Variants in PPRC1 observed in about 807,000 individuals in gnomAD.
PPRC1 encodes PPARG related coactivator 1.
A neutral mutation model predicts 132.5 loss-of-function variants in PPRC1; 23 were observed. The observed-to-expected ratio is 0.17, with a 90% CI of 0.12 to 0.25. PPRC1 has a LOEUF of 0.25. Ranked by LOEUF, PPRC1 falls within the 10% of genes least tolerant of loss-of-function variation. The pLI is 1.00. For missense variants in PPRC1, 2,006 were observed against 2,089.1 expected, an observed-to-expected ratio of 0.96 and a Z score of 0.78; for synonymous variants, 872 against 833.5, an observed-to-expected ratio of 1.05 and a Z score of -0.80.
In PPRC1 at chr10:102,140,053, C is replaced by T. The variant is rs771296543; in HGVS notation, c.1545C>T (p.Leu515=). 1.9e-6 allele frequency: 3 copies of T among 1,614,192 alleles called. No individual in the cohort carries two copies. The highest frequency in any genetic ancestry group is 2.5e-6 in the Non-Finnish European group (3 of 1,180,034). ...QEELQKESGP[L]QGKGKPRAWA... ...AACTTCAAAAAGAGTCTGGGCCTCTCCAGGGTAAGGGGAAGCCCCGGGCTT... is the reference window on the plus strand; with the variant it reads ...AACTTCAAAAAGAGTCTGGGCCTCTTCAGGGTAAGGGGAAGCCCCGGGCTT... Residue 515 remains leucine (L), a synonymous_variant, in exon 5 of 14, where the codon CTC becomes CTT. Transcript: ENST00000278070.
rs746039933 is a variant in PPRC1, at chr10:102,150,046, G to T, written c.*17G>T. The T allele has an allele frequency of 6.3e-7, 1 of 1,583,312 alleles. No individual in the cohort carries two copies. The highest frequency in any genetic ancestry group is 8.7e-7 in the Non-Finnish European group (1 of 1,152,126). ...AGGAGGTAACCTTGGGCCCTTCCCT[G>T]CTATCCTTTTTCTCCTTTGGAGGTG... On this transcript the variant is annotated 3_prime_UTR_variant, in exon 14 of 14. Transcript: ENST00000278070.
At chr10:102,122,017 C>T in the PPRC1 span, among the ~76,000 whole-genome samples, 4 of 152,000 alleles carry the variant, frequency 2.6e-5, no homozygotes, top group African/African-American at 2.4e-5. Flanking sequence ...GAATGGAGAC[C>T]CTCCCCACCA....
At chr10:102,121,181 G>A in the PPRC1 span, among the ~76,000 whole-genome samples, 1 of 152,078 alleles carries the variant, frequency 6.6e-6, no homozygotes, top group African/African-American at 2.4e-5. Context: ...ATTGGATTAC[G>A]GAGGGGCGAT....
In PPRC1 at chr10:102,147,373, C is replaced by G. The variant is rs377047618; in HGVS notation, c.4381C>G (p.Pro1461Ala). 5.0e-6 allele frequency: 8 copies of G among 1,605,738 alleles called. No homozygotes were observed. The highest frequency in any genetic ancestry group is 1.7e-5 in the Admixed American group (1 of 59,972). The change falls in exon 9 of 14, where the codon CCA becomes GCA. Residue 1461 changes from proline (P) to alanine (A), a missense_variant. Transcript: ENST00000278070. ...SRSRSRSLSP[P>A]HKRWRRSSCS... The stretch of plus-strand genomic sequence containing the variant: ...ATCTCGGTCCAGGTCCCTCTCCCCC[C>G]CACACAAGAGGTGGCGAAGGTGAGC...
At chr10:102,124,317 C>G in the PPRC1 span, among the ~76,000 whole-genome samples, 4 of 151,840 alleles carry the variant, frequency 2.6e-5, no homozygotes, top group African/African-American at 9.7e-5. Flanking sequence ...CCTGCCTTGG[C>G]CTCCCAAAGT....
rs770429418 is a variant in PPRC1 at position 102,139,155 on chromosome 10, A to C, written c.647A>C (p.Glu216Ala). The change falls in exon 5 of 14, where the codon GAG becomes GCG. Residue 216 changes from glutamate to alanine, a missense_variant. Physicochemically the swap from Glu to Ala is moderately radical, Grantham distance 107. This residue lies in a region of PPRC1 where 1,914 missense variants were observed against 1,917.2 expected (regional missense o/e 1.00). Transcript: ENST00000278070. ...SWDFSPPSFL[E>A]TSSPKLPSWR... is the part of the protein sequence containing the mutation. ...GACTTCTCCCCACCCTCTTTCTTAGAGACCTCTTCCCCCAAGCTTCCTAGC... is the reference window on the plus strand; with the variant it reads ...GACTTCTCCCCACCCTCTTTCTTAGCGACCTCTTCCCCCAAGCTTCCTAGC... 11 of 1,612,924 alleles carry C rather than the reference A, an allele frequency of 6.8e-6. No individual in the cohort carries two copies. Among genetic ancestry groups the C allele is most frequent in the Admixed American group, 1.7e-5 (1 of 59,938 alleles).
intron 1 of PPRC1, among the ~76,000 whole-genome samples, chr10:102,135,480 G>T (rs1182723791): frequency 6.6e-6 from 1 of 152,214 alleles, no homozygotes; most frequent in Non-Finnish European, 1.5e-5. Flanking sequence ...CTGGGTTCAT[G>T]CAATTCCCCT....
At position 102,148,947 on chromosome 10, in the gene PPRC1, G is replaced by A; in HGVS notation, c.4739+9G>A. The A allele has an allele frequency of 6.2e-7, 1 of 1,613,328 alleles. No individual in the cohort carries two copies. Among genetic ancestry groups the A allele is most frequent in the Non-Finnish European group, 8.5e-7 (1 of 1,179,722 alleles). On this transcript the variant is annotated intron_variant, in intron 12 of 13. Transcript: ENST00000278070. The surrounding 1 kb of genome is among the most constrained non-coding windows in gnomAD (Gnocchi z 4.2). ...CACTTCCGTGTCCAAGGGTAAGCTT[G>A]GGCCCCAGGCTCAGGATGTTCTTTC...
chr10:102,149,842 G>T, intron 13 of PPRC1, 84 bp from the exon 14 acceptor site: 2 of 1,030,700 alleles, frequency 1.9e-6, no homozygotes, highest in Non-Finnish European at 3.1e-6. Flanking sequence ...ATCCGTTTTT[G>T]GGATGGGAGA....
chr10:102,120,398 TGTGC>T, the PPRC1 span: 2 of 983,458 alleles, frequency 2.0e-6, no homozygotes, highest in Non-Finnish European at 2.4e-6. Context: ...CGCGTGTGCG[TGTGC>T]GTGTCTGTGC....
At chr10:102,132,531 T>C (rs1343339756), upstream of PPRC1, among the ~76,000 whole-genome samples, 1 of 152,256 alleles carries the variant, frequency 6.6e-6, no homozygotes, top group Non-Finnish European at 1.5e-5. Flanking sequence ...TTCTGAGTAG[T>C]AGCAGAGAGG....
intron 7 of PPRC1, 62 bp from the exon 8 acceptor site, chr10:102,144,958 G>A: frequency 5.5e-6 from 7 of 1,284,228 alleles, no homozygotes; most frequent in East Asian, 2.4e-5. Flanking sequence ...TTCTGAGAAA[G>A]GCAAATGTAT....
rs1166468992 is a variant in PPRC1, at chr10:102,138,012, A to T, written c.316A>T (p.Ile106Phe). 1 of 1,613,820 alleles carries T rather than the reference A, an allele frequency of 6.2e-7. No individual in the cohort carries two copies. Among genetic ancestry groups the T allele is most frequent in the African/African-American group, 1.3e-5 (1 of 74,948 alleles). Residue 106 changes from isoleucine to phenylalanine, a missense_variant, in exon 2 of 14, where the codon ATT (isoleucine) becomes TTT (phenylalanine). By Grantham distance (21) the Ile-to-Phe change is conservative. Transcript: ENST00000278070. ...SYMDASLISL[I>F]EDFGSLGESR... Reference sequence around the variant, plus strand: ...CATGGATGCCTCCCTTATCTCCCTCATTGAGGATTTTGGGAGCCTTGGAGA... The same window carrying T: ...CATGGATGCCTCCCTTATCTCCCTCTTTGAGGATTTTGGGAGCCTTGGAGA...
chr10:102,125,894 C>T, the PPRC1 span, among the ~76,000 whole-genome samples: 1 of 148,048 alleles, frequency 6.8e-6, no homozygotes, highest in Admixed American at 6.7e-5. Flanking sequence ...CAGAGTTTCG[C>T]TCTTGTTGCC....
chr10:102,133,934 G>A (rs984941888), intron 1 of PPRC1, among the ~76,000 whole-genome samples: 1 of 151,932 alleles, frequency 6.6e-6, no homozygotes, highest in Admixed American at 6.6e-5. Flanking sequence ...ACTGCGGATG[G>A]TGAAGGACTC....
At chr10:102,136,572 T>G (rs1349310523) in intron 1 of PPRC1, among the ~76,000 whole-genome samples, 2 of 152,116 alleles carry the variant, frequency 1.3e-5, no homozygotes. Flanking sequence ...GAGCCCACAT[T>G]CGCATAACTT....
Position 102,141,791 on chromosome 10 carries a change from C to G in PPRC1, c.3283C>G (p.Pro1095Ala), listed in dbSNP as rs746198306. 8.7e-6 allele frequency: 14 copies of G among 1,613,864 alleles called. No homozygotes were observed. In the Admixed American group the frequency reaches 2.3e-4, roughly 27 times the overall value. ...VSAEGVTVEE[P>A]ASERLKPETQ... ...TGCTGAAGGTGTGACTGTTGAGGAGCCTGCATCAGAGAGGCTAAAGCCTGA... is the reference window on the plus strand; with the variant it reads ...TGCTGAAGGTGTGACTGTTGAGGAGGCTGCATCAGAGAGGCTAAAGCCTGA... The change falls in exon 5 of 14, where the codon CCT becomes GCT. Residue 1095 changes from proline to alanine, a missense_variant. Coordinates refer to ENST00000278070, the MANE Select transcript of PPRC1 (RefSeq NM_015062.5).
intron 6 of PPRC1, 41 bp from the exon 7 acceptor site, chr10:102,144,209 A>C (rs779308750): frequency 3.2e-5 from 52 of 1,603,412 alleles, no homozygotes; most frequent in African/African-American, 8.0e-5. Flanking sequence ...CTCAGTCTAG[A>C]ACATCTGGTT....
At chr10:102,127,900 A>G in the PPRC1 span, among the ~76,000 whole-genome samples, 1 of 151,828 alleles carries the variant, frequency 6.6e-6, no homozygotes, top group Non-Finnish European at 1.5e-5. Context: ...TGTGTCCCAG[A>G]GTGGTCTTGA....
Sources: allele counts gnomAD v4.1 joint callset (sites outside exome capture counted in the v4.1 genomes callset), GRCh38; gene constraint gnomAD v4.1.1; regional missense constraint gnomAD v4.1.1; non-coding constraint Gnocchi (gnomAD v3.1); transcripts MANE v1.5; gene names NCBI Gene and HGNC (gene_info 2026-07-23, HGNC 2026-07-21).